DTD1: variants seen among roughly 807,000 people sequenced by gnomAD.
DTD1 encodes D-aminoacyl-tRNA deacylase 1.
DTD1 carries 13 observed loss-of-function variants against 25.6 expected under a neutral mutation model. The observed-to-expected ratio is 0.51, with a 90% CI of 0.33 to 0.81. The LOEUF is 0.81. Among genes scored for constraint, DTD1 ranks in the 30% least tolerant of loss-of-function variants. The pLI is 0.02. For synonymous variants in DTD1, 110 were observed against 103.6 expected (o/e 1.06, Z -0.37); for missense variants, 193 against 266.4 (o/e 0.72, Z 1.92).
At chr20:18,597,884 AGTCATT>A (rs1198532872) in intron 3 of DTD1, among the ~76,000 whole-genome samples, 1 of 152,188 alleles carries the variant, frequency 6.6e-6, no homozygotes, top group Non-Finnish European at 1.5e-5. Context: ...AGTGGAACAT[AGTCATT>A]GTAGGTTTTA....
At chr20:18,634,450 G>T (rs1010986801) in intron 4 of DTD1, among the ~76,000 whole-genome samples, 1 of 152,292 alleles carries the variant, frequency 6.6e-6, no homozygotes, top group East Asian at 1.9e-4. Flanking sequence ...ATGCTGGAAG[G>T]AGCTAAAAAA....
At chr20:18,632,663 G>A in intron 4 of DTD1, 1 of 983,180 alleles carries the variant, frequency 1.0e-6, no homozygotes, top group Non-Finnish European at 1.2e-6. Flanking sequence ...TTACATTAAA[G>A]AAAAATGGTT....
chr20:18,755,927 C>T (rs78690782), intron 5 of DTD1, among the ~76,000 whole-genome samples: 37,775 of 152,102 alleles, frequency 0.25, 5,004 homozygotes, highest in East Asian at 0.36. Context: ...TCCTCTCCAG[C>T]CCCTGTCGTT....
At chr20:18,633,428 G>A (rs948531395) in intron 4 of DTD1, among the ~76,000 whole-genome samples, 1 of 152,166 alleles carries the variant, frequency 6.6e-6, no homozygotes, top group African/African-American at 2.4e-5. Context: ...CTCTGATGGT[G>A]TATTTCACAG....
intron 4 of DTD1, among the ~76,000 whole-genome samples, chr20:18,723,975 T>C (rs1490346189): frequency 6.6e-6 from 1 of 152,200 alleles, no homozygotes; most frequent in East Asian, 1.9e-4. Flanking sequence ...GCTTCCCTCA[T>C]GGTCCTAGAG....
At chr20:18,659,941 A>AT (rs1053727613) in intron 4 of DTD1, among the ~76,000 whole-genome samples, 12 of 152,186 alleles carry the variant, frequency 7.9e-5, no homozygotes, top group South Asian at 4.2e-4. Flanking sequence ...GAAAAAAAAT[A>AT]TTTTTTTACC....
chr20:18,594,991 T>G (rs1247691232), intron 2 of DTD1, among the ~76,000 whole-genome samples: 1 of 152,182 alleles, frequency 6.6e-6, no homozygotes, highest in Non-Finnish European at 1.5e-5. Flanking sequence ...TTTGAAACTG[T>G]CATCTACTTA....
intron 3 of DTD1, among the ~76,000 whole-genome samples, chr20:18,618,672 TAC>T (rs751474809): frequency 0.068 from 8,881 of 130,420 alleles, 301 homozygotes; most frequent in African/African-American, 0.081. Flanking sequence ...CATAATTTTA[TAC>T]ACACACACAC....
chr20:18,671,009 A>G (rs1260185960), intron 4 of DTD1, among the ~76,000 whole-genome samples: 2 of 152,176 alleles, frequency 1.3e-5, no homozygotes, highest in East Asian at 3.8e-4. Context: ...CCTCATGGAA[A>G]TGGAACTGAG....
At chr20:18,621,255 C>T (rs908648597) in intron 3 of DTD1, among the ~76,000 whole-genome samples, 5 of 152,112 alleles carry the variant, frequency 3.3e-5, no homozygotes, top group South Asian at 2.1e-4. Context: ...ATTTTGTGTC[C>T]GCCTGATGTC....
At chr20:18,682,627 G>A (rs2061002241) in intron 4 of DTD1, among the ~76,000 whole-genome samples, 1 of 152,162 alleles carries the variant, frequency 6.6e-6, no homozygotes, top group Non-Finnish European at 1.5e-5. Context: ...GACAATCCTT[G>A]ACATTTTGTG....
At chr20:18,690,190 T>A (rs1471614495) in intron 4 of DTD1, among the ~76,000 whole-genome samples, 2 of 129,078 alleles carry the variant, frequency 1.5e-5, no homozygotes, top group Admixed American at 1.5e-4. Context: ...AAAATTGAAT[T>A]ATTTGTTTTT....
At chr20:18,598,800 C>T (rs953659106) in intron 3 of DTD1, among the ~76,000 whole-genome samples, 10 of 151,644 alleles carry the variant, frequency 6.6e-5, no homozygotes, top group Middle Eastern at 3.4e-3. Flanking sequence ...TGAGCCACCG[C>T]GCCCGGCCAG....
chr20:18,622,197 T>C (rs2122299034), intron 3 of DTD1, among the ~76,000 whole-genome samples: 1 of 152,356 alleles, frequency 6.6e-6, no homozygotes, highest in South Asian at 2.1e-4. Flanking sequence ...AAGCCCTGCA[T>C]GCATTAGGTA....
At chr20:18,637,711 A>T (rs1374891945) in intron 4 of DTD1, among the ~76,000 whole-genome samples, 1 of 152,208 alleles carries the variant, frequency 6.6e-6, no homozygotes, top group East Asian at 1.9e-4. Flanking sequence ...TTCCATGGGC[A>T]GTTAGCTGAT....
chr20:18,742,933 G>A (rs910085783), intron 4 of DTD1, among the ~76,000 whole-genome samples: 2 of 152,190 alleles, frequency 1.3e-5, no homozygotes, highest in Admixed American at 1.3e-4. Context: ...ATGTAAACTA[G>A]AAAAAGTTCA....
intron 4 of DTD1, among the ~76,000 whole-genome samples, chr20:18,628,633 C>A (rs1158331590): frequency 3.3e-5 from 5 of 152,152 alleles, no homozygotes; most frequent in African/African-American, 7.2e-5. Flanking sequence ...GATGTGCCCC[C>A]CAAGGTTTGC....
At chr20:18,600,735 A>G (rs1460789348) in intron 3 of DTD1, among the ~76,000 whole-genome samples, 4 of 152,226 alleles carry the variant, frequency 2.6e-5, no homozygotes, top group African/African-American at 4.8e-5. Flanking sequence ...GTCTATGAAC[A>G]TGGAATATCT....
chr20:18,682,074 T>G (rs2060999863), intron 4 of DTD1, among the ~76,000 whole-genome samples: 2 of 152,134 alleles, frequency 1.3e-5, no homozygotes, highest in Admixed American at 1.3e-4. Flanking sequence ...TATTTGAAGG[T>G]GGGCTTAGAT....
Sources: gnomAD v4.1 joint callset for allele counts (sites outside exome capture counted in the v4.1 genomes callset) on GRCh38, gnomAD v4.1.1 for gene constraint, MANE v1.5 for transcripts, NCBI Gene and HGNC (gene_info 2026-07-23, HGNC 2026-07-21) for gene names.